Variants in DENND4C observed in about 807,000 individuals in gnomAD.
DENND4C encodes DENN domain-containing protein 4C.
DENND4C carries 108 observed loss-of-function variants against 203.0 expected under a neutral mutation model. That is an observed-to-expected ratio of 0.53 (90% CI 0.46 to 0.62). DENND4C has a LOEUF of 0.62. Among genes scored for constraint, DENND4C ranks in the 20% least tolerant of loss-of-function variants. The probability of loss-of-function intolerance (pLI) is 0.00; values close to 1 mark genes in which losing one functional copy is unlikely to be tolerated. For synonymous variants in DENND4C, 871 were observed against 792.4 expected, an observed-to-expected ratio of 1.10 and a Z score of -1.67; for missense variants, 2,481 against 2,301.2, an observed-to-expected ratio of 1.08 and a Z score of -1.60.
chr9:19,366,783 C>T (rs1220288779), intron 30 of DENND4C, among the ~76,000 whole-genome samples: 1 of 152,140 alleles, frequency 6.6e-6, no homozygotes, highest in African/African-American at 2.4e-5. Context: ...ATCTTCATGA[C>T]TCCGTGTTAG....
At chr9:19,339,913 A>G (rs1821241364) in intron 20 of DENND4C, among the ~76,000 whole-genome samples, 1 of 152,086 alleles carries the variant, frequency 6.6e-6, no homozygotes, top group Non-Finnish European at 1.5e-5. Context: ...TATTCATTGA[A>G]ATATAATTCA....
intron 1 of DENND4C, among the ~76,000 whole-genome samples, chr9:19,236,701 T>C (rs1822051475): frequency 2.0e-5 from 3 of 152,132 alleles, no homozygotes; most frequent in African/African-American, 7.2e-5. Context: ...AAATAATGGA[T>C]AGACTTGAGA....
At chr9:19,361,713 ATT>A in intron 29 of DENND4C, 131 bp from the exon 30 acceptor site, 1 of 522,488 alleles carries the variant, frequency 1.9e-6, no homozygotes. Flanking sequence ...ATTAATAAAA[ATT>A]AAAATTTTGA....
chr9:19,252,538 C>T (rs1826889529), intron 1 of DENND4C, among the ~76,000 whole-genome samples: 2 of 152,158 alleles, frequency 1.3e-5, no homozygotes, highest in Admixed American at 6.6e-5. Flanking sequence ...GCTATAATGG[C>T]ACCACTCTAC....
intron 1 of DENND4C, among the ~76,000 whole-genome samples, chr9:19,265,505 C>T (rs1055788006): frequency 2.0e-5 from 3 of 151,710 alleles, no homozygotes; most frequent in African/African-American, 4.8e-5. Context: ...GCACAACATG[C>T]AGGTTTGTTA....
intron 12 of DENND4C, among the ~76,000 whole-genome samples, chr9:19,320,973 A>G (rs1045781243): frequency 6.6e-6 from 1 of 152,252 alleles, no homozygotes; most frequent in Non-Finnish European, 1.5e-5. Flanking sequence ...CATCAAAGAA[A>G]GAAAGGCTGC....
rs41270105 is a variant in DENND4C at position 19,372,277 on chromosome 9, A to G, written c.*104A>G. Reference sequence around the variant, plus strand: ...AATCGTAAGAACTGGTGAATACGGAATTGAAGTAACTCTTGGGGACAATAT... The same window carrying G: ...AATCGTAAGAACTGGTGAATACGGAGTTGAAGTAACTCTTGGGGACAATAT... On this transcript the variant is annotated 3_prime_UTR_variant, in exon 33 of 33. Coordinates refer to ENST00000434457, the MANE Select transcript of DENND4C (RefSeq NM_001330640.2). 68,665 of 1,372,236 alleles carry G rather than the reference A, an allele frequency of 0.05. 1,994 individuals carry two copies. Among genetic ancestry groups the G allele is most frequent in the Middle Eastern group, 0.17 (923 of 5,320 alleles). The allele number at this position is 1,372,236 out of a possible 1,614,324, so 85.0% of individuals were successfully genotyped here.
rs144067882 is a variant in DENND4C, at chr9:19,308,050, C to T, written c.1487+2523C>T. Among the ~76,000 whole-genome samples, 556 of 151,958 alleles carry T rather than the reference C, an allele frequency of 3.7e-3. 1 individual carries two copies. The highest frequency in any genetic ancestry group is 0.013 in the African/African-American group (537 of 41,476). On this transcript the variant is annotated intron_variant, in intron 10 of 32. Transcript: ENST00000434457. ...TTTCTGTGAATTACTTTTTTGCTCA[C>T]CATTCTTTGTGAGGTTCATTCAGTT...
intron 9 of DENND4C, 95 bp from the exon 10 acceptor site, chr9:19,305,257 G>A (rs1175559405): frequency 1.9e-6 from 2 of 1,073,058 alleles, no homozygotes; most frequent in East Asian, 2.5e-5. Flanking sequence ...AGACTTAACT[G>A]CTTTTCAGTG....
At chr9:19,304,095 T>C (rs1188249836) in intron 9 of DENND4C, among the ~76,000 whole-genome samples, 2 of 148,088 alleles carry the variant, frequency 1.4e-5, no homozygotes, top group Non-Finnish European at 1.5e-5. Flanking sequence ...TAAAGCTTTG[T>C]AAAGGAAAAT....
intron 15 of DENND4C, among the ~76,000 whole-genome samples, chr9:19,327,409 T>C (rs1433681866): frequency 6.6e-6 from 1 of 152,018 alleles, no homozygotes; most frequent in Non-Finnish European, 1.5e-5. Context: ...ATAATCTTTT[T>C]TGAAATAATT....
At chr9:19,314,037 G>A (rs1183609200) in intron 10 of DENND4C, among the ~76,000 whole-genome samples, 6 of 152,012 alleles carry the variant, frequency 3.9e-5, no homozygotes, top group Admixed American at 3.9e-4. Flanking sequence ...AGCTGAGATT[G>A]TGCCACTCCA....
chr9:19,335,001 C>A lies in DENND4C; in HGVS notation c.2485C>A (p.Leu829Ile). ...DEVCYRVVMQ[L>I]CGLWGHPVLA... ...GGTGTGCTATCGAGTAGTGATGCAG[C>A]TTTGTGGACTTTGGGGTCATCCTGT... Residue 829 changes from leucine (L) to isoleucine (I), a missense_variant, in exon 18 of 33, where the codon CTT becomes ATT. Leu to Ile is a conservative substitution (Grantham distance 5). This residue lies in a region of DENND4C where 2,289 missense variants were observed against 2,113.3 expected (regional missense o/e 1.08). Transcript: ENST00000434457. The A allele has an allele frequency of 1.2e-6, 2 of 1,607,006 alleles. No homozygotes were observed. Among genetic ancestry groups the A allele is most frequent in the Non-Finnish European group, 1.7e-6 (2 of 1,177,726 alleles).
chr9:19,284,326 T>C (rs971974637), intron 2 of DENND4C, among the ~76,000 whole-genome samples: 1 of 152,216 alleles, frequency 6.6e-6, no homozygotes. Context: ...ATAATACTTA[T>C]TTGTGTGGAT....
At chr9:19,265,329 T>A (rs1011395269) in intron 1 of DENND4C, among the ~76,000 whole-genome samples, 4 of 152,156 alleles carry the variant, frequency 2.6e-5, no homozygotes, top group Admixed American at 6.6e-5. Context: ...TTTTTTAAAT[T>A]TTCCTTCTGA....
At chr9:19,370,662 G>C (rs1311659329) in intron 31 of DENND4C, among the ~76,000 whole-genome samples, 2 of 152,178 alleles carry the variant, frequency 1.3e-5, no homozygotes, top group East Asian at 1.9e-4. Context: ...ATGGGAATAG[G>C]AGCAGAAACA....
intron 1 of DENND4C, among the ~76,000 whole-genome samples, chr9:19,260,247 G>A (rs1397205490): frequency 1.3e-5 from 2 of 152,002 alleles, no homozygotes; most frequent in Admixed American, 6.6e-5. Flanking sequence ...GCACCTTTTC[G>A]TATACCTGTT....
chr9:19,350,138 T>C (rs903181903), intron 23 of DENND4C, among the ~76,000 whole-genome samples: 4 of 152,238 alleles, frequency 2.6e-5, no homozygotes, highest in African/African-American at 7.2e-5. Context: ...AACTACAGTG[T>C]TTGAAACTTT....
chr9:19,361,835 A>T lies in DENND4C; in HGVS notation c.5407-11A>T, dbSNP rs1826558590. 6.6e-7 allele frequency: 1 copy of T among 1,510,382 alleles called. No individual in the cohort carries two copies. Among genetic ancestry groups the T allele is most frequent in the Non-Finnish European group, 9.2e-7 (1 of 1,086,552 alleles). The allele number at this position is 1,510,382 out of a possible 1,614,324, so 93.6% of individuals were successfully genotyped here. On this transcript the variant is annotated splice_polypyrimidine_tract_variant and intron_variant, in intron 29 of 32. Coordinates refer to ENST00000434457, the MANE Select transcript of DENND4C (RefSeq NM_001330640.2). ...CTCGGGATACTAATACTTTCTTTTG[A>T]TTTCTTTTAGCTTCCTCTGTCATCT...
Sources: gnomAD v4.1 joint callset for allele counts (sites outside exome capture counted in the v4.1 genomes callset) on GRCh38, gnomAD v4.1.1 for gene constraint, gnomAD v4.1.1 regional missense constraint, MANE v1.5 for transcripts, NCBI Gene and HGNC (gene_info 2026-07-23, HGNC 2026-07-21) for gene names.